INTS3: variants seen among roughly 807,000 people sequenced by gnomAD.
INTS3 encodes integrator complex subunit 3.
Under a neutral mutation model 146.3 loss-of-function variants are expected in INTS3, and 34 were observed. That is an observed-to-expected ratio of 0.23 (90% CI 0.18 to 0.31). INTS3 has a LOEUF of 0.31. Ranked by LOEUF, INTS3 falls within the 10% of genes least tolerant of loss-of-function variation. The pLI is 1.00. For missense variants in INTS3, 757 were observed against 1,304.2 expected (o/e 0.58, Z 6.46); for synonymous variants, 475 against 494.9 (o/e 0.96, Z 0.53).
At chr1:153,742,705 T>C (rs546932166) in intron 3 of INTS3, among the ~76,000 whole-genome samples, 90 of 152,368 alleles carry the variant, frequency 5.9e-4, no homozygotes, top group South Asian at 5.2e-3. Context: ...TTGCCTGGCC[T>C]ATCAGTAAGA....
intron 14 of INTS3, 93 bp from the exon 15 acceptor site, chr1:153,762,635 C>A: frequency 6.8e-7 from 1 of 1,467,882 alleles, no homozygotes; most frequent in Non-Finnish European, 9.3e-7. Context: ...TCCTTATTCT[C>A]TCACTTGCCC....
chr1:153,742,408 T>A (rs1483107775), intron 3 of INTS3, among the ~76,000 whole-genome samples: 3 of 152,038 alleles, frequency 2.0e-5, no homozygotes, highest in Non-Finnish European at 2.9e-5. Flanking sequence ...TTAAAGAAAT[T>A]GTTGGCAAAG....
chr1:153,736,937 G>A (rs571884536), intron 1 of INTS3, among the ~76,000 whole-genome samples: 40 of 151,232 alleles, frequency 2.6e-4, no homozygotes, highest in Non-Finnish European at 5.6e-4. Context: ...CTAATTTTTT[G>A]TATTTTTTTT....
At position 153,765,050 on chromosome 1, in the gene INTS3, T is replaced by C; in HGVS notation, c.2077T>C (p.Tyr693His). ...QPKIGYHLLY[Y>H]LRASKAAAGK... ...CAAGATTGGCTACCACCTGCTCTAC[T>C]ACCTGAGGGCCAGGTGGGTATGGTC... Residue 693 changes from tyrosine to histidine, a missense_variant, in exon 20 of 30, where the codon TAC becomes CAC. Physicochemically the swap from Tyr to His is moderately conservative, Grantham distance 83. Transcript: ENST00000318967. The C allele has an allele frequency of 6.2e-7, 1 of 1,614,168 alleles. No individual in the cohort carries two copies. The highest frequency in any genetic ancestry group is 8.5e-7 in the Non-Finnish European group (1 of 1,180,006).
intron 1 of INTS3, among the ~76,000 whole-genome samples, chr1:153,738,387 C>G (rs1354167218): frequency 6.6e-6 from 1 of 152,200 alleles, no homozygotes; most frequent in Non-Finnish European, 1.5e-5. Context: ...AGCTACCGTG[C>G]CCAGCCCTTA....
chr1:153,772,647 C>G lies in INTS3; in HGVS notation c.2830C>G (p.Gln944Glu), dbSNP rs777274929. The change falls in exon 28 of 30, where the codon CAG becomes GAG. Residue 944 changes from glutamine (Q) to glutamate (E), a missense_variant. This residue lies in a region of INTS3 where 125 missense variants were observed against 165.6 expected (regional missense o/e 0.75). Coordinates refer to ENST00000318967, the MANE Select transcript of INTS3 (RefSeq NM_023015.5). This position sits in a 1 kb window ranked among gnomAD's most constrained non-coding sequence, Gnocchi z 4.6. ...LTNTKQNFFS[Q>E]TPILQALQHV... Reference sequence around the variant, plus strand: ...CCCTTTTCTTCCTCTAGTTTTTAGCCAGACGCCAATTCTCCAGGCGCTGCA... The same window carrying G: ...CCCTTTTCTTCCTCTAGTTTTTAGCGAGACGCCAATTCTCCAGGCGCTGCA... The G allele has an allele frequency of 6.2e-7, 1 of 1,614,214 alleles. No homozygotes were observed. The highest frequency in any genetic ancestry group is 1.7e-5 in the Admixed American group (1 of 60,026).
rs1277542520 is a variant in INTS3, at chr1:153,764,274, A to G, written c.1925+53A>G. 5.6e-6 allele frequency: 7 copies of G among 1,258,246 alleles called. No individual in the cohort carries two copies. The East Asian group carries it at 1.6e-4, about 29-fold the overall frequency. 77.9% of individuals were successfully genotyped at this position (1,258,246 alleles called of 1,614,324 possible). A position where few individuals can be genotyped will look rare whatever the true frequency, so the allele number is the denominator to read the frequency against. ...GCCTCAGGAGCCAGAGGGTGCTCTT[A>G]CAGCCTGAGTCCAAGAGACCCCTTA... On this transcript the variant is annotated intron_variant, in intron 18 of 29. Transcript: ENST00000318967.
At chr1:153,765,506 GT>G (rs1245046483) in intron 20 of INTS3, among the ~76,000 whole-genome samples, 5 of 151,040 alleles carry the variant, frequency 3.3e-5, no homozygotes, top group South Asian at 4.2e-4. Context: ...TTGGTTTTGG[GT>G]TTTTTTTTCC....
chr1:153,763,921 G>A (rs769121279), intron 17 of INTS3, 35 bp downstream of exon 17: 20 of 1,591,100 alleles, frequency 1.3e-5, no homozygotes, highest in Non-Finnish European at 1.6e-5. Context: ...GGAGGAAGCA[G>A]CCTAGCCTGC....
At chr1:153,769,966 C>T (rs1156300146) in intron 23 of INTS3, 122 bp downstream of exon 23, 2 of 768,374 alleles carry the variant, frequency 2.6e-6, no homozygotes, top group Non-Finnish European at 4.5e-6. Context: ...GAGAATTGTA[C>T]TCCACCCTGG....
At chr1:153,760,284 G>T (rs1304533130) in intron 11 of INTS3, 27 bp from the exon 12 acceptor site, 5 of 1,417,492 alleles carry the variant, frequency 3.5e-6, no homozygotes, top group African/African-American at 1.4e-5. Context: ...ACTGATGTGA[G>T]GGGCTCTTTA....
chr1:153,767,291 A>G (rs1570881322), intron 20 of INTS3: 1 of 183,544 alleles, frequency 5.4e-6, no homozygotes, highest in Non-Finnish European at 1.1e-5. Context: ...TAGGCCTACA[A>G]GCCATTTTGA....
rs1213208185 is a variant in INTS3 at position 153,773,443 on chromosome 1, G to C, written c.*173G>C. On this transcript the variant is annotated 3_prime_UTR_variant, in exon 30 of 30. Transcript: ENST00000318967. ...GCTGAGTTTGAGAAGCTGCCATGCAGCCCCTAGCCCCTTCCCTCCTCCTGG... is the reference window on the plus strand; with the variant it reads ...GCTGAGTTTGAGAAGCTGCCATGCACCCCCTAGCCCCTTCCCTCCTCCTGG... The C allele has an allele frequency of 1.6e-6, 1 of 638,642 alleles. No individual in the cohort carries two copies. Among genetic ancestry groups the C allele is most frequent in the Non-Finnish European group, 2.8e-6 (1 of 354,676 alleles). The allele number at this position is 638,642 out of a possible 1,614,324, so 39.6% of individuals were successfully genotyped here. A position where few individuals can be genotyped will look rare whatever the true frequency, so the allele number is the denominator to read the frequency against.
At chr1:153,740,807 A>G in intron 2 of INTS3, 73 bp downstream of exon 2, 1 of 1,216,356 alleles carries the variant, frequency 8.2e-7, no homozygotes, top group Non-Finnish European at 1.2e-6. Context: ...AAAGATGGAA[A>G]GACTAAGTGG....
intron 7 of INTS3, 42 bp from the exon 8 acceptor site, chr1:153,752,237 T>C: frequency 6.2e-7 from 1 of 1,601,394 alleles, no homozygotes; most frequent in Non-Finnish European, 8.6e-7. Flanking sequence ...AATCCATGTT[T>C]TTATTCTCTT....
intron 29 of INTS3, 24 bp downstream of exon 29, chr1:153,773,105 G>C (rs757428169): frequency 1.9e-6 from 3 of 1,613,988 alleles, no homozygotes; most frequent in Non-Finnish European, 2.5e-6. Flanking sequence ...CAGTGCACAG[G>C]GGGAAAAGGA....
In INTS3 at chr1:153,748,718, T is replaced by A. The variant is rs1334871378; in HGVS notation, c.547T>A (p.Leu183Met). Residue 183 changes from leucine to methionine, a missense_variant, in exon 6 of 30, where the codon TTG becomes ATG. Physicochemically the swap from Leu to Met is conservative, Grantham distance 15. Coordinates refer to ENST00000318967, the MANE Select transcript of INTS3 (RefSeq NM_023015.5). ...GGDVTAKNIW[L>M]AESVLDILTE... ...AGATGTTACAGCCAAAAATATCTGG[T>A]TGGCAGAAAGTGTTCTGGATATCCT... The A allele has an allele frequency of 6.2e-7, 1 of 1,614,136 alleles. No homozygotes were observed. Among genetic ancestry groups the A allele is most frequent in the Middle Eastern group, 1.6e-4 (1 of 6,062 alleles).
intron 21 of INTS3, 117 bp downstream of exon 21, chr1:153,767,944 C>A: frequency 1.1e-6 from 1 of 932,416 alleles, no homozygotes; most frequent in Non-Finnish European, 1.5e-6. Flanking sequence ...CCTAGGTGGG[C>A]CATTGCTTCC....
intron 1 of INTS3, among the ~76,000 whole-genome samples, chr1:153,735,745 CAG>C (rs1671259845): frequency 6.6e-6 from 1 of 152,134 alleles, no homozygotes; most frequent in Non-Finnish European, 1.5e-5. Context: ...ATTTTTGAGA[CAG>C]GGCCTTGCTT....
Sources: allele counts gnomAD v4.1 joint callset (sites outside exome capture counted in the v4.1 genomes callset), GRCh38; gene constraint gnomAD v4.1.1; regional missense constraint gnomAD v4.1.1; non-coding constraint Gnocchi (gnomAD v3.1); transcripts MANE v1.5; gene names NCBI Gene and HGNC (gene_info 2026-07-23, HGNC 2026-07-21).